The following NREP variants were observed in gnomAD, a reference collection of about 807,000 sequenced individuals.
NREP encodes neuronal regeneration related protein.
In NREP, 5 loss-of-function variants were observed where a neutral mutation model predicts 8.6. The ratio of observed to expected loss-of-function variants is 0.58; its 90% CI spans 0.30 to 1.22. NREP has a LOEUF of 1.22. Ranked by LOEUF, NREP falls within the 50% of genes most tolerant of loss-of-function variation. The pLI, the probability that NREP is intolerant of heterozygous loss-of-function variation, is 0.07. For missense variants in NREP, 86 were observed against 82.5 expected, an observed-to-expected ratio of 1.04 and a Z score of -0.17; for synonymous variants, 27 against 28.0, an observed-to-expected ratio of 0.96 and a Z score of 0.11.
intron 2 of NREP, among the ~76,000 whole-genome samples, chr5:111,913,201 A>T (rs998275878): frequency 1.3e-5 from 2 of 152,138 alleles, no homozygotes; most frequent in African/African-American, 4.8e-5. Context: ...TTCTTAGGAA[A>T]TGAATAGGAG....
intron 2 of NREP, among the ~76,000 whole-genome samples, chr5:111,884,380 G>T (rs552753489): frequency 6.6e-6 from 1 of 151,404 alleles, no homozygotes; most frequent in Non-Finnish European, 1.5e-5. Context: ...TTCACAGCCG[G>T]ATTCTACCAG....
At position 111,731,034 on chromosome 5, in the gene NREP, CAG is replaced by C; in HGVS notation, c.92_93del (p.Pro31ArgfsTer12). ...MEGRLPKGRL[P>X]VPKEVNRKKN... ...TTCTTGCGGTTCACTTCCTTTGGGA[CAG>C]GAAGTCTTCCCTGCAAAGCAGGCAG... On this transcript the variant is annotated frameshift_variant, in exon 4 of 4. Transcript: ENST00000257435. LOFTEE classifies it high-confidence loss of function. 1 of 1,613,864 alleles carries C rather than the reference CAG, an allele frequency of 6.2e-7. No homozygotes were observed.
intron 2 of NREP, among the ~76,000 whole-genome samples, chr5:111,804,112 T>C (rs1003335378): frequency 2.6e-5 from 4 of 151,988 alleles, no homozygotes; most frequent in Admixed American, 6.5e-5. Context: ...GTAAGAGAAA[T>C]GAAAGAGGGA....
At chr5:111,968,026 C>T (rs1199147184) in intron 2 of NREP, among the ~76,000 whole-genome samples, 1 of 152,142 alleles carries the variant, frequency 6.6e-6, no homozygotes, top group African/African-American at 2.4e-5. Context: ...AACTAGGCTT[C>T]TCTTCATTTC....
intron 2 of NREP, among the ~76,000 whole-genome samples, chr5:111,744,501 T>G (rs1749879832): frequency 6.6e-6 from 1 of 152,110 alleles, no homozygotes; most frequent in Non-Finnish European, 1.5e-5. Flanking sequence ...AAGAAGCCAC[T>G]AAGAGGCTTC....
chr5:111,737,724 A>AAAAAAAC (rs1749260236), intron 2 of NREP, among the ~76,000 whole-genome samples: 1 of 150,728 alleles, frequency 6.6e-6, no homozygotes, highest in African/African-American at 2.4e-5. Flanking sequence ...CTAAAAAAAA[A>AAAAAAAC]AAAAACAAAA....
intron 2 of NREP, among the ~76,000 whole-genome samples, chr5:111,888,020 T>C (rs1037865068): frequency 6.6e-6 from 1 of 152,164 alleles, no homozygotes; most frequent in African/African-American, 2.4e-5. Context: ...AAGACTTACA[T>C]GGAACAGCTG....
At chr5:111,875,679 T>A (rs1485526021) in intron 2 of NREP, among the ~76,000 whole-genome samples, 3 of 152,234 alleles carry the variant, frequency 2.0e-5, no homozygotes, top group African/African-American at 7.2e-5. Flanking sequence ...TTTGGTACAT[T>A]CTGCCTAACT....
intron 2 of NREP, among the ~76,000 whole-genome samples, chr5:111,736,187 C>G (rs767760192): frequency 6.6e-6 from 1 of 152,128 alleles, no homozygotes; most frequent in Non-Finnish European, 1.5e-5. Flanking sequence ...TGTTCTCCAT[C>G]TTCAAGTAAT....
chr5:111,734,891 A>G (rs1287305014), intron 3 of NREP: 1 of 432,176 alleles, frequency 2.3e-6, no homozygotes, highest in Non-Finnish European at 4.1e-6. Flanking sequence ...GCTAAAATCT[A>G]AAATATAAAT....
intron 2 of NREP, among the ~76,000 whole-genome samples, chr5:111,931,564 C>A (rs1755538058): frequency 6.6e-6 from 1 of 152,136 alleles, no homozygotes; most frequent in South Asian, 2.1e-4. Flanking sequence ...AGACTTAGAA[C>A]AACCCAGCTA....
intron 2 of NREP, among the ~76,000 whole-genome samples, chr5:111,828,235 G>C (rs548340346): frequency 1.3e-5 from 2 of 152,168 alleles, no homozygotes; most frequent in East Asian, 3.9e-4. Context: ...TCTCTGTGTT[G>C]GTCAGGCTAG....
At chr5:111,771,191 A>C (rs1205813305) in intron 2 of NREP, among the ~76,000 whole-genome samples, 1 of 152,210 alleles carries the variant, frequency 6.6e-6, no homozygotes, top group Admixed American at 6.5e-5. Context: ...ATGGAAGGGA[A>C]GAATAAAAGG....
At chr5:111,775,390 G>C (rs1751332675) in intron 2 of NREP, among the ~76,000 whole-genome samples, 2 of 152,142 alleles carry the variant, frequency 1.3e-5, no homozygotes, top group South Asian at 4.1e-4. Context: ...GGAGGCAGCT[G>C]ATTACCACAT....
At chr5:111,736,832 G>T (rs1190951016) in intron 2 of NREP, among the ~76,000 whole-genome samples, 1 of 152,082 alleles carries the variant, frequency 6.6e-6, no homozygotes, top group Non-Finnish European at 1.5e-5. Flanking sequence ...CAAAAAGGTC[G>T]ACTTGCCCCA....
intron 2 of NREP, among the ~76,000 whole-genome samples, chr5:111,960,414 A>C (rs1756447324): frequency 6.6e-6 from 1 of 152,206 alleles, no homozygotes; most frequent in Non-Finnish European, 1.5e-5. Context: ...CTGATCAATT[A>C]GGTTGATTTA....
chr5:111,805,590 G>A (rs948872331), intron 2 of NREP, among the ~76,000 whole-genome samples: 6 of 152,148 alleles, frequency 3.9e-5, no homozygotes, highest in Admixed American at 3.3e-4. Flanking sequence ...GTGTGCACAC[G>A]TATGTACATA....
At chr5:111,924,194 T>G (rs935975469) in intron 2 of NREP, among the ~76,000 whole-genome samples, 2 of 152,302 alleles carry the variant, frequency 1.3e-5, no homozygotes, top group African/African-American at 4.8e-5. Flanking sequence ...TTATATCCCC[T>G]ATTGGCTAAG....
chr5:111,817,087 C>T (rs1752400835), intron 2 of NREP, among the ~76,000 whole-genome samples: 1 of 152,058 alleles, frequency 6.6e-6, no homozygotes, highest in Non-Finnish European at 1.5e-5. Flanking sequence ...TTTCTAAGTG[C>T]TTATCTCTAA....
Sources: gnomAD v4.1 joint callset for allele counts (sites outside exome capture counted in the v4.1 genomes callset) on GRCh38, gnomAD v4.1.1 for gene constraint, MANE v1.5 for transcripts, NCBI Gene and HGNC (gene_info 2026-07-23, HGNC 2026-07-21) for gene names.